Variants in CRAMP1 observed in about 807,000 individuals in gnomAD.
CRAMP1 encodes cramped chromatin regulator 1.
In CRAMP1, 50 loss-of-function variants were observed where a neutral mutation model predicts 115.4. The observed-to-expected ratio is 0.43, with a 90% CI of 0.35 to 0.55. The LOEUF (loss-of-function observed/expected upper bound fraction) is 0.55. Ranked by LOEUF, CRAMP1 falls within the 20% of genes least tolerant of loss-of-function variation. The pLI is 0.01. For missense variants in CRAMP1, 1,679 were observed against 1,721.7 expected (o/e 0.98, Z 0.44); for synonymous variants, 866 against 745.4 (o/e 1.16, Z -2.64).
At chr16:1,663,402 G>GAACT (rs200371245) in intron 13 of CRAMP1, among the ~76,000 whole-genome samples, 1,656 of 152,306 alleles carry the variant, frequency 0.011, 13 homozygotes, top group Middle Eastern at 0.044. Flanking sequence ...TAGACTCTTA[G>GAACT]AAATCTCTTT....
chr16:1,620,650 C>T, intron 2 of CRAMP1: 1 of 457,132 alleles, frequency 2.2e-6, no homozygotes, highest in Non-Finnish European at 4.4e-6. Context: ...AGACATCTTC[C>T]AAAGGCCCAG....
At chr16:1,658,618 C>T (rs1284459082) in intron 10 of CRAMP1, among the ~76,000 whole-genome samples, 2 of 152,174 alleles carry the variant, frequency 1.3e-5, no homozygotes, top group Admixed American at 1.3e-4. Flanking sequence ...TGGCCCTGTG[C>T]TGTCTCTTGC....
rs555079172 is a variant in CRAMP1, at chr16:1,647,918, G to T, written c.828-4578G>T. Among the ~76,000 whole-genome samples, 7 of 151,222 alleles carry T rather than the reference G, an allele frequency of 4.6e-5. No homozygotes were observed. The East Asian group carries it at 1.4e-3, about 30-fold the overall frequency. ...AGCTTCCAGGCTGGTGCGAGGATGGGGAGGTATGGACCCACGTCCCGGAAC... is the reference window on the plus strand; with the variant it reads ...AGCTTCCAGGCTGGTGCGAGGATGGTGAGGTATGGACCCACGTCCCGGAAC... On this transcript the variant is annotated intron_variant, in intron 6 of 20. Coordinates refer to ENST00000397412, the MANE Select transcript of CRAMP1 (RefSeq NM_020825.4).
At chr16:1,621,731 G>A (rs546374467) in intron 2 of CRAMP1, among the ~76,000 whole-genome samples, 2 of 152,190 alleles carry the variant, frequency 1.3e-5, no homozygotes, top group South Asian at 2.1e-4. Context: ...TTCAAAGAGT[G>A]CACTGTTGGC....
Position 1,632,362 on chromosome 16 carries a change from C to A in CRAMP1, c.691C>A (p.His231Asn), listed in dbSNP as rs756236974. 6.3e-7 allele frequency: 1 copy of A among 1,589,190 alleles called. No homozygotes were observed. The highest frequency in any genetic ancestry group is 1.2e-5 in the South Asian group (1 of 86,950). Reference sequence around the variant, plus strand: ...GATCACCAAGTACATCGACTTTGATCATGGTGAGTGTGCCACGGGCCAGGC... The same window carrying A: ...GATCACCAAGTACATCGACTTTGATAATGGTGAGTGTGCCACGGGCCAGGC... ...HKITKYIDFDHVFSRGLKKSS... is the reference protein window; with the variant it reads ...HKITKYIDFDNVFSRGLKKSS... Residue 231 changes from histidine to asparagine, a missense_variant, in exon 4 of 21, where the codon CAT becomes AAT. His to Asn is a moderately conservative substitution (Grantham distance 68). This residue lies in a region of CRAMP1 where 42 missense variants were observed against 42.3 expected (regional missense o/e 0.99). Coordinates refer to ENST00000397412, the MANE Select transcript of CRAMP1 (RefSeq NM_020825.4).
chr16:1,642,086 C>G (rs2036637287), intron 6 of CRAMP1, among the ~76,000 whole-genome samples: 1 of 152,210 alleles, frequency 6.6e-6, no homozygotes, highest in South Asian at 2.1e-4. Context: ...GTTCACTGAA[C>G]CACAGATATT....
intron 8 of CRAMP1, among the ~76,000 whole-genome samples, chr16:1,653,704 C>G (rs1348290931): frequency 6.6e-6 from 1 of 151,588 alleles, no homozygotes. Context: ...GCCTGTAGTC[C>G]CAGCTACTCG....
chr16:1,666,031 C>A lies in CRAMP1; in HGVS notation c.2753-42C>A. On this transcript the variant is annotated intron_variant, in intron 14 of 20. Coordinates refer to ENST00000397412, the MANE Select transcript of CRAMP1 (RefSeq NM_020825.4). The surrounding 1 kb of genome is among the most constrained non-coding windows in gnomAD (Gnocchi z 5.0). ...GCCACATCCTGCTGTGAGGGCATGG[C>A]GGGCGGGCTCGACATGTCTGCTTTT... The A allele has an allele frequency of 7.5e-7, 1 of 1,332,112 alleles. No homozygotes were observed. Among genetic ancestry groups the A allele is most frequent in the Non-Finnish European group, 1.1e-6 (1 of 951,660 alleles). 82.5% of individuals were successfully genotyped at this position (1,332,112 alleles called of 1,614,324 possible).
chr16:1,634,223 G>A (rs2036568889), intron 4 of CRAMP1, among the ~76,000 whole-genome samples: 1 of 152,154 alleles, frequency 6.6e-6, no homozygotes, highest in South Asian at 2.1e-4. Flanking sequence ...CCATCTGCGG[G>A]CAGGGTGGGA....
At chr16:1,621,125 C>CA (rs964513243) in intron 2 of CRAMP1, among the ~76,000 whole-genome samples, 5 of 152,198 alleles carry the variant, frequency 3.3e-5, no homozygotes, top group African/African-American at 1.2e-4. Context: ...GTGACCTACT[C>CA]AGCCCGTGCC....
At chr16:1,619,887 C>G (rs991750052) in intron 2 of CRAMP1, among the ~76,000 whole-genome samples, 2 of 152,144 alleles carry the variant, frequency 1.3e-5, no homozygotes, top group African/African-American at 4.8e-5. Flanking sequence ...CTGACCAGGG[C>G]TCTTGCAGGC....
chr16:1,653,270 C>T (rs2142195922), intron 8 of CRAMP1, 114 bp downstream of exon 8: 6 of 1,248,252 alleles, frequency 4.8e-6, no homozygotes, highest in African/African-American at 1.5e-5. Flanking sequence ...CCCCTATGCT[C>T]TGTCATCACA....
chr16:1,667,558 G>A lies in CRAMP1; in HGVS notation c.3102+158G>A, dbSNP rs568765530. 1.1e-4 allele frequency: 75 copies of A among 655,024 alleles called. No homozygotes were observed. The Middle Eastern group carries it at 5.8e-3, about 51-fold the overall frequency. 40.6% of individuals were successfully genotyped at this position (655,024 alleles called of 1,614,324 possible). Reference sequence around the variant, plus strand: ...ACCTGCTGTGCCGACTGCCCAGGGTGGATAAATGAATATGGCTGTCCGCCA... The same window carrying A: ...ACCTGCTGTGCCGACTGCCCAGGGTAGATAAATGAATATGGCTGTCCGCCA... On this transcript the variant is annotated intron_variant, in intron 17 of 20. Coordinates refer to ENST00000397412, the MANE Select transcript of CRAMP1 (RefSeq NM_020825.4).
chr16:1,662,921 G>T, intron 13 of CRAMP1, 86 bp downstream of exon 13: 1 of 1,071,126 alleles, frequency 9.3e-7, no homozygotes, highest in East Asian at 2.6e-5. Context: ...ACATTTTCAT[G>T]GTGTAAAATG....
At chr16:1,622,546 A>G (rs1444721772) in intron 2 of CRAMP1, among the ~76,000 whole-genome samples, 1 of 152,122 alleles carries the variant, frequency 6.6e-6, no homozygotes, top group East Asian at 1.9e-4. Context: ...GTCTAGAATA[A>G]TGGGCACCAA....
intron 10 of CRAMP1, among the ~76,000 whole-genome samples, chr16:1,657,491 G>A (rs905268619): frequency 1.3e-5 from 2 of 152,212 alleles, no homozygotes; most frequent in Non-Finnish European, 2.9e-5. Flanking sequence ...CTGTTAACAG[G>A]TTTCCACAGA....
intron 11 of CRAMP1, 43 bp downstream of exon 11, chr16:1,660,106 G>T: frequency 6.9e-7 from 1 of 1,454,528 alleles, no homozygotes; most frequent in Non-Finnish European, 9.1e-7. Flanking sequence ...GGGCTGCCCT[G>T]ATGGCACCTC....
intron 4 of CRAMP1, among the ~76,000 whole-genome samples, chr16:1,635,695 T>G (rs2036583452): frequency 6.6e-6 from 1 of 152,240 alleles, no homozygotes; most frequent in Admixed American, 6.5e-5. Flanking sequence ...AATGGGGATA[T>G]TATTCACCCT....
At position 1,612,622 on chromosome 16, in the gene CRAMP1, G is replaced by T. The variant is rs1233858152; in HGVS notation, c.-37G>T. Among the ~76,000 whole-genome samples the T allele has an allele frequency of 2.0e-5, 3 of 151,978 alleles. No homozygotes were observed. The highest frequency in any genetic ancestry group is 4.4e-5 in the Non-Finnish European group (3 of 67,946). On this transcript the variant is annotated 5_prime_UTR_variant, in exon 1 of 21. Coordinates refer to ENST00000397412, the MANE Select transcript of CRAMP1 (RefSeq NM_020825.4). ...TTCTGCGGGCACCCGGGGAGGCCCC[G>T]GGAAGCCAGGCTGCCGCCCGGCGTT...
Sources: allele counts gnomAD v4.1 joint callset (sites outside exome capture counted in the v4.1 genomes callset), GRCh38; gene constraint gnomAD v4.1.1; regional missense constraint gnomAD v4.1.1; non-coding constraint Gnocchi (gnomAD v3.1); transcripts MANE v1.5; gene names NCBI Gene and HGNC (gene_info 2026-07-23, HGNC 2026-07-21).